Variants in CPA1 observed in about 807,000 individuals in gnomAD.
The protein encoded by CPA1 is carboxypeptidase A1, also known as carboxypeptidase A1 (pancreatic).
Under a neutral mutation model 48.7 loss-of-function variants are expected in CPA1, and 42 were observed. That is an observed-to-expected ratio of 0.86 (90% CI 0.67 to 1.11). The LOEUF is 1.11. CPA1 is among the 50% of genes most tolerant of loss of function. The probability of loss-of-function intolerance (pLI) is 0.00; values close to 1 mark genes in which losing one functional copy is unlikely to be tolerated. For synonymous variants in CPA1, 203 were observed against 217.9 expected (o/e 0.93, Z 0.60); for missense variants, 477 against 544.7 (o/e 0.88, Z 1.24).
rs781912694 is a variant in CPA1, at chr7:130,385,186, C to T, written c.828C>T (p.His276=). The change falls in exon 8 of 10, where the codon CAC becomes CAT. Residue 276 remains histidine, a synonymous_variant. Transcript: ENST00000011292. ...ASSNPCSETY[H]GKFANSEVEV... ...GTAACCCCTGCTCGGAGACTTACCA[C>T]GGCAAGTTTGCCAATTCCGAAGTGG... 2.8e-5 allele frequency: 46 copies of T among 1,614,098 alleles called. No homozygotes were observed. Among genetic ancestry groups the T allele is most frequent in the South Asian group, 1.9e-4 (17 of 91,084 alleles).
chr7:130,381,236 C>T (rs1796400017), intron 2 of CPA1, 57 bp downstream of exon 2: 11 of 1,302,608 alleles, frequency 8.4e-6, no homozygotes, highest in Non-Finnish European at 1.2e-5. Context: ...GGGGCCACCC[C>T]AGGTCCCCAG....
At chr7:130,385,085 G>T in intron 7 of CPA1, 61 bp from the exon 8 acceptor site, 1 of 1,545,562 alleles carries the variant, frequency 6.5e-7, no homozygotes, top group South Asian at 1.1e-5. Context: ...GCAAAGAACT[G>T]GATTCCAGAA....
rs1272295961 is a variant in CPA1, at chr7:130,385,909, T to G, written c.1058T>G (p.Ile353Ser). 7 of 1,614,014 alleles carry G rather than the reference T, an allele frequency of 4.3e-6. No individual in the cohort carries two copies. The highest frequency in any genetic ancestry group is 1.7e-5 in the Admixed American group (1 of 60,026). The part of the protein sequence containing the change: ...LYGTKFNYGS[I>S]IKAIYQASGS... ...GGGACCAAGTTCAACTATGGCAGCA[T>G]CATCAAGGCAATTTGTAAGTGGCCG... The change falls in exon 9 of 10, where the codon ATC becomes AGC. Residue 353 changes from isoleucine (I) to serine (S), a missense_variant. Transcript: ENST00000011292.
Sources: gnomAD v4.1 joint callset for allele counts on GRCh38, gnomAD v4.1.1 for gene constraint, MANE v1.5 for transcripts, NCBI Gene and HGNC (gene_info 2026-07-23, HGNC 2026-07-21) for gene names.